FMN1: variants seen among roughly 807,000 people sequenced by gnomAD.
FMN1 encodes the protein formin-1.
A neutral mutation model predicts 132.4 loss-of-function variants in FMN1; 110 were observed. The observed-to-expected ratio is 0.83, with a 90% CI of 0.71 to 0.97. The LOEUF (loss-of-function observed/expected upper bound fraction) is 0.97, where lower values mean the gene tolerates loss of function less well. Ranked by LOEUF, FMN1 falls within the 50% of genes least tolerant of loss-of-function variation. The pLI, the probability that FMN1 is intolerant of heterozygous loss-of-function variation, is 0.00. For synonymous variants in FMN1, 722 were observed against 651.7 expected (o/e 1.11, Z -1.64); for missense variants, 1,792 against 1,705.3 (o/e 1.05, Z -0.90).
At chr15:32,946,283 T>C (rs1358067916) in intron 9 of FMN1, among the ~76,000 whole-genome samples, 1 of 152,072 alleles carries the variant, frequency 6.6e-6, no homozygotes, top group African/African-American at 2.4e-5. Context: ...GTGAATGGCA[T>C]AACATAGTGA....
At chr15:33,167,483 T>C (rs922922811) in intron 3 of FMN1, among the ~76,000 whole-genome samples, 2 of 152,186 alleles carry the variant, frequency 1.3e-5, no homozygotes, top group Non-Finnish European at 2.9e-5. Context: ...AGCCAACATT[T>C]CATGAGGTCT....
At chr15:32,938,271 G>A (rs2061324993) in intron 9 of FMN1, among the ~76,000 whole-genome samples, 1 of 152,112 alleles carries the variant, frequency 6.6e-6, no homozygotes, top group Admixed American at 6.5e-5. Flanking sequence ...GCTCACACCT[G>A]TAATCCCAGC....
intron 7 of FMN1, among the ~76,000 whole-genome samples, chr15:33,005,457 C>T (rs1443485395): frequency 6.6e-6 from 1 of 152,152 alleles, no homozygotes; most frequent in Non-Finnish European, 1.5e-5. Flanking sequence ...ATTTTAAGTG[C>T]AGATCATGAT....
At position 32,769,604 on chromosome 15, in the gene FMN1, A is replaced by G. The variant is rs1595875541; in HGVS notation, c.*4706T>C. On this transcript the variant is annotated 3_prime_UTR_variant, in exon 21 of 21. Coordinates refer to ENST00000616417, the MANE Select transcript of FMN1 (RefSeq NM_001277313.2). ...TTTTCTTTAAGCCACTTCTATACTA[A>G]TAACAGTTTCCAGGCAGCTGGATTG... is the stretch of plus-strand genomic sequence containing the variant. The G allele has an allele frequency of 6.6e-6, 1 of 152,250 alleles. No homozygotes were observed. Among genetic ancestry groups the G allele is most frequent in the Admixed American group, 6.5e-5 (1 of 15,286 alleles). The allele number at this position is 152,250 out of a possible 1,614,324, so 9.4% of individuals were successfully genotyped here.
At chr15:32,798,216 A>ACACACACACACACACAC (rs1286307994) in intron 19 of FMN1, among the ~76,000 whole-genome samples, 1 of 140,876 alleles carries the variant, frequency 7.1e-6, no homozygotes. Context: ...ACACACACAC[A>ACACACACACACACACAC]CCCCGTCTAT....
intron 5 of FMN1, among the ~76,000 whole-genome samples, chr15:33,071,402 C>T (rs765458562): frequency 6.6e-6 from 1 of 152,194 alleles, no homozygotes; most frequent in Non-Finnish European, 1.5e-5. Flanking sequence ...ATTTATGAAG[C>T]ATGACTTCTA....
rs930141667 is a variant in FMN1, at chr15:32,799,972, G to T, written c.3981-1019C>A. Among the ~76,000 whole-genome samples the T allele has an allele frequency of 1.1e-3, 158 of 149,228 alleles. 3 individuals carry two copies. The highest frequency in any genetic ancestry group is 2.2e-4 in the Non-Finnish European group (15 of 67,118). On this transcript the variant is annotated intron_variant, in intron 18 of 20. Coordinates refer to ENST00000616417, the MANE Select transcript of FMN1 (RefSeq NM_001277313.2). Reference sequence around the variant, plus strand: ...CTCTATCATCTGTTCAGACACAGTGGTTTTTTTTTTGTGTGTGGCCATCCT... The same window carrying T: ...CTCTATCATCTGTTCAGACACAGTGTTTTTTTTTTTGTGTGTGGCCATCCT...
intron 17 of FMN1, among the ~76,000 whole-genome samples, chr15:32,806,249 T>C (rs1247058742): frequency 2.0e-5 from 3 of 152,184 alleles, no homozygotes; most frequent in Non-Finnish European, 4.4e-5. Context: ...ATAAGGGATT[T>C]TGAAACATCA....
At chr15:32,880,453 C>G (rs920240546) in intron 16 of FMN1, among the ~76,000 whole-genome samples, 1 of 152,130 alleles carries the variant, frequency 6.6e-6, no homozygotes, top group Non-Finnish European at 1.5e-5. Flanking sequence ...TTGACTTAAT[C>G]AAATCTGAAA....
intron 6 of FMN1, among the ~76,000 whole-genome samples, chr15:33,038,759 G>A (rs2036296650): frequency 6.6e-6 from 1 of 152,160 alleles, no homozygotes; most frequent in Non-Finnish European, 1.5e-5. Flanking sequence ...GACTCATTTG[G>A]AATGGGTGAG....
chr15:33,101,728 G>C (rs1282293348), intron 4 of FMN1, among the ~76,000 whole-genome samples: 1 of 152,056 alleles, frequency 6.6e-6, no homozygotes, highest in Non-Finnish European at 1.5e-5. Context: ...TATCCCATCG[G>C]TCCTATGATT....
chr15:32,857,687 A>G (rs568225903), intron 16 of FMN1, among the ~76,000 whole-genome samples: 2 of 152,146 alleles, frequency 1.3e-5, no homozygotes, highest in Non-Finnish European at 2.9e-5. Flanking sequence ...CTACTAACAC[A>G]AGGGAAATAA....
At position 33,083,855 on chromosome 15, in the gene FMN1, C is replaced by A. The variant is rs552284610; in HGVS notation, c.2043+4944G>T. On this transcript the variant is annotated intron_variant, in intron 5 of 20. Transcript: ENST00000616417. Reference sequence around the variant, plus strand: ...ATGTCATAAAGAAGCCAGCCAAAACCCACCAAAACCAAGATGGCTACAAAA... The same window carrying A: ...ATGTCATAAAGAAGCCAGCCAAAACACACCAAAACCAAGATGGCTACAAAA... Among the ~76,000 whole-genome samples the A allele has an allele frequency of 3.9e-5, 6 of 152,222 alleles. No individual in the cohort carries two copies. In the East Asian group the frequency reaches 1.2e-3, roughly 29 times the overall value.
At chr15:32,901,834 G>A in intron 13 of FMN1, 77 bp downstream of exon 13, 1 of 1,236,262 alleles carries the variant, frequency 8.1e-7, no homozygotes, top group Non-Finnish European at 1.1e-6. Context: ...TTCTATAATG[G>A]CATTAAAGTG....
intron 7 of FMN1, among the ~76,000 whole-genome samples, chr15:32,997,070 G>A (rs903989654): frequency 2.0e-5 from 3 of 152,174 alleles, no homozygotes; most frequent in Non-Finnish European, 4.4e-5. Context: ...TAACTTCTAT[G>A]AGATTCAGGT....
chr15:33,151,028 T>C, intron 4 of FMN1: 1 of 1,168,006 alleles, frequency 8.6e-7, no homozygotes, highest in Non-Finnish European at 1.1e-6. Flanking sequence ...TGTATGGGCT[T>C]CCCAGCTGCA....
chr15:33,122,540 C>T (rs1962665799), intron 4 of FMN1, among the ~76,000 whole-genome samples: 2 of 152,160 alleles, frequency 1.3e-5, no homozygotes, highest in Admixed American at 1.3e-4. Flanking sequence ...TAAAATGCAA[C>T]AGGATAAACA....
chr15:32,770,391 T>A lies in FMN1; in HGVS notation c.*3919A>T, dbSNP rs2056192098. ...AGGAAGAGTATCATTAAAATGAAAA[T>A]TTCTCTGTTGCAAACATCATAGAGA... On this transcript the variant is annotated 3_prime_UTR_variant, in exon 21 of 21. Transcript: ENST00000616417. 2 of 108,408 alleles carry A rather than the reference T, an allele frequency of 1.8e-5. No individual in the cohort carries two copies. The highest frequency in any genetic ancestry group is 5.8e-5 in the African/African-American group (2 of 34,548). 6.7% of individuals were successfully genotyped at this position (108,408 alleles called of 1,614,324 possible).
At chr15:33,121,878 A>G (rs1249649666) in intron 4 of FMN1, among the ~76,000 whole-genome samples, 1 of 152,202 alleles carries the variant, frequency 6.6e-6, no homozygotes, top group Non-Finnish European at 1.5e-5. Flanking sequence ...TTGAAAACAA[A>G]AAGAAAGCAG....
Sources: gnomAD v4.1 joint callset for allele counts (sites outside exome capture counted in the v4.1 genomes callset) on GRCh38, gnomAD v4.1.1 for gene constraint, MANE v1.5 for transcripts, NCBI Gene and HGNC (gene_info 2026-07-23, HGNC 2026-07-21) for gene names.